Variants in RAB3C observed in about 807,000 individuals in gnomAD.
RAB3C encodes RAB3C, member RAS oncogene family.
In RAB3C, 17 loss-of-function variants were observed where a neutral mutation model predicts 26.4. That is an observed-to-expected ratio of 0.64 (90% confidence interval 0.44 to 0.97). The LOEUF (loss-of-function observed/expected upper bound fraction) is 0.97. RAB3C is among the 50% of genes least tolerant of loss of function. The probability of loss-of-function intolerance (pLI) is 0.00; values close to 1 mark genes in which losing one functional copy is unlikely to be tolerated. For synonymous variants in RAB3C, 91 were observed against 95.9 expected (o/e 0.95, Z 0.30); for missense variants, 242 against 281.9 (o/e 0.86, Z 1.01).
chr5:58,687,789 A>G (rs1268998269), intron 2 of RAB3C, among the ~76,000 whole-genome samples: 1 of 152,092 alleles, frequency 6.6e-6, no homozygotes, highest in Non-Finnish European at 1.5e-5. Flanking sequence ...AAGAAATAAT[A>G]TGACTCAGCA....
chr5:58,617,629 T>C lies in RAB3C; in HGVS notation c.25-14T>C, dbSNP rs1746851178. 7.5e-6 allele frequency: 12 copies of C among 1,603,352 alleles called. No homozygotes were observed. The highest frequency in any genetic ancestry group is 1.7e-5 in the Admixed American group (1 of 59,850). On this transcript the variant is annotated splice_polypyrimidine_tract_variant and intron_variant, in intron 1 of 4. Coordinates refer to ENST00000282878, the MANE Select transcript of RAB3C (RefSeq NM_138453.4). ...CACCTATTTTGTTTTTGTTTTGTTT[T>C]GTTTTTATCACAGATGGCCTCTGCC... is the stretch of plus-strand genomic sequence containing the variant.
Position 58,851,355 on chromosome 5 carries a change from C to A in RAB3C, c.*4C>A. 1 of 1,584,648 alleles carries A rather than the reference C, an allele frequency of 6.3e-7. No homozygotes were observed. The highest frequency in any genetic ancestry group is 8.6e-7 in the Non-Finnish European group (1 of 1,167,850). On this transcript the variant is annotated 3_prime_UTR_variant, in exon 5 of 5. Transcript: ENST00000282878. ...GCAGCCCAACTGTGCCTGCTAGTGT[C>A]CCCGTGCACACAGGCAGCTCCAGGG... is the stretch of plus-strand genomic sequence containing the variant.
At chr5:58,588,309 A>G (rs952170227) in intron 1 of RAB3C, among the ~76,000 whole-genome samples, 3 of 152,180 alleles carry the variant, frequency 2.0e-5, no homozygotes, top group Non-Finnish European at 4.4e-5. Context: ...GAGGACCGGC[A>G]ATTCTCACCA....
chr5:58,583,643 G>T (rs1016916075), intron 1 of RAB3C, among the ~76,000 whole-genome samples: 2 of 152,046 alleles, frequency 1.3e-5, no homozygotes, highest in African/African-American at 4.8e-5. Context: ...CACTGGAGTC[G>T]GCATAGAGCG....
At chr5:58,671,704 G>C (rs950181306) in intron 2 of RAB3C, among the ~76,000 whole-genome samples, 1 of 152,172 alleles carries the variant, frequency 6.6e-6, no homozygotes, top group Admixed American at 6.5e-5. Context: ...ATTTGAACTG[G>C]AAAGTTTCGG....
At chr5:58,748,742 A>G (rs1393287449) in intron 3 of RAB3C, among the ~76,000 whole-genome samples, 1 of 152,196 alleles carries the variant, frequency 6.6e-6, no homozygotes, top group Non-Finnish European at 1.5e-5. Flanking sequence ...AGAGATGTCT[A>G]ACTGTCCATC....
At chr5:58,817,922 C>T (rs1743251878) in intron 3 of RAB3C, among the ~76,000 whole-genome samples, 1 of 152,130 alleles carries the variant, frequency 6.6e-6, no homozygotes, top group African/African-American at 2.4e-5. Context: ...AGCCAAAGCT[C>T]CCAAATATTA....
chr5:58,628,355 G>C (rs1039401516), intron 2 of RAB3C, among the ~76,000 whole-genome samples: 1 of 152,084 alleles, frequency 6.6e-6, no homozygotes, highest in African/African-American at 2.4e-5. Flanking sequence ...GCTTAGGGAA[G>C]TAATAAGGGA....
intron 3 of RAB3C, among the ~76,000 whole-genome samples, chr5:58,820,215 A>C (rs1478260439): frequency 1.3e-5 from 2 of 152,208 alleles, no homozygotes; most frequent in African/African-American, 4.8e-5. Flanking sequence ...AAACTTAAAA[A>C]AAAAAAAAAG....
intron 3 of RAB3C, among the ~76,000 whole-genome samples, chr5:58,730,570 C>T (rs896787054): frequency 6.6e-6 from 1 of 151,934 alleles, no homozygotes; most frequent in African/African-American, 2.4e-5. Flanking sequence ...TACAGAAAAA[C>T]ATATCTAGCA....
At chr5:58,690,010 A>G (rs984293111) in intron 2 of RAB3C, among the ~76,000 whole-genome samples, 2 of 152,086 alleles carry the variant, frequency 1.3e-5, no homozygotes, top group East Asian at 3.9e-4. Context: ...CTACTTTACA[A>G]TTTATACCTA....
intron 2 of RAB3C, among the ~76,000 whole-genome samples, chr5:58,715,136 T>C (rs764444714): frequency 3.0e-4 from 45 of 151,994 alleles, no homozygotes; most frequent in Non-Finnish European, 4.7e-4. Flanking sequence ...CTAAGTTTCC[T>C]GGCTTCTAAT....
At chr5:58,698,826 TA>T (rs1461453550) in intron 2 of RAB3C, among the ~76,000 whole-genome samples, 1 of 152,184 alleles carries the variant, frequency 6.6e-6, no homozygotes, top group Non-Finnish European at 1.5e-5. Flanking sequence ...GCCATTCGCC[TA>T]ATCTTTTTTC....
chr5:58,648,738 G>T (rs965101671), intron 2 of RAB3C, among the ~76,000 whole-genome samples: 1 of 152,100 alleles, frequency 6.6e-6, no homozygotes, highest in African/African-American at 2.4e-5. Context: ...ATCAGAGCAA[G>T]CTATAAAAGA....
At chr5:58,597,134 TAATAA>T (rs1746322672) in intron 1 of RAB3C, among the ~76,000 whole-genome samples, 2 of 33,856 alleles carry the variant, frequency 5.9e-5, no homozygotes, top group South Asian at 7.9e-4. Context: ...ATATATAATA[TAATAA>T]TATATACTAC....
chr5:58,813,116 C>T (rs1743124828), intron 3 of RAB3C, among the ~76,000 whole-genome samples: 1 of 152,006 alleles, frequency 6.6e-6, no homozygotes, highest in African/African-American at 2.4e-5. Flanking sequence ...GTTTCTTCAT[C>T]TGCAAAATGG....
intron 2 of RAB3C, among the ~76,000 whole-genome samples, chr5:58,696,177 T>G (rs1323138461): frequency 6.6e-6 from 1 of 152,242 alleles, no homozygotes; most frequent in Non-Finnish European, 1.5e-5. Flanking sequence ...TCTATTGAGA[T>G]ACTCATGTGG....
chr5:58,732,020 C>G (rs1490710189), intron 3 of RAB3C, among the ~76,000 whole-genome samples: 1 of 151,794 alleles, frequency 6.6e-6, no homozygotes, highest in African/African-American at 2.4e-5. Flanking sequence ...ACAGGTGAGT[C>G]CAGGAAGATC....
chr5:58,668,459 C>A (rs988089560), intron 2 of RAB3C, among the ~76,000 whole-genome samples: 1 of 152,236 alleles, frequency 6.6e-6, no homozygotes, highest in South Asian at 2.1e-4. Flanking sequence ...CTGAAAATTT[C>A]TGTGGCACTC....
Sources: gnomAD v4.1 joint callset for allele counts (sites outside exome capture counted in the v4.1 genomes callset) on GRCh38, gnomAD v4.1.1 for gene constraint, MANE v1.5 for transcripts, NCBI Gene and HGNC (gene_info 2026-07-23, HGNC 2026-07-21) for gene names.